PDPK1: variants seen among roughly 807,000 people sequenced by gnomAD.
The protein encoded by PDPK1 is 3-phosphoinositide-dependent protein kinase 1.
Under a neutral mutation model 39.8 loss-of-function variants are expected in PDPK1, and 7 were observed. That is an observed-to-expected ratio of 0.18 (90% confidence interval 0.10 to 0.33). PDPK1 has a LOEUF of 0.33. Ranked by LOEUF, PDPK1 falls within the 10% of genes least tolerant of loss-of-function variation. The pLI is 1.00. For missense variants in PDPK1, 182 were observed against 384.7 expected, an observed-to-expected ratio of 0.47 and a Z score of 4.41; for synonymous variants, 118 against 159.1, an observed-to-expected ratio of 0.74 and a Z score of 1.95.
intron 11 of PDPK1, among the ~76,000 whole-genome samples, chr16:2,588,761 T>C (rs1374840356): frequency 1.3e-5 from 2 of 152,102 alleles, no homozygotes; most frequent in African/African-American, 4.8e-5. Context: ...CTCTTTACAG[T>C]AGTGGTTTGC....
intron 1 of PDPK1, chr16:2,538,851 C>A (rs1424258995): frequency 2.0e-6 from 2 of 1,002,974 alleles, no homozygotes; most frequent in Non-Finnish European, 1.3e-6. Flanking sequence ...GCTGGTGTTT[C>A]TATATTTTCT....
chr16:2,598,001 GCTCCGTGGAGGC>G lies in PDPK1; in HGVS notation c.*242_*253del. 3.6e-6 allele frequency: 2 copies of G among 551,580 alleles called. No homozygotes were observed. Among genetic ancestry groups the G allele is most frequent in the Non-Finnish European group, 6.5e-6 (2 of 308,770 alleles). 34.2% of individuals were successfully genotyped at this position (551,580 alleles called of 1,614,324 possible). On this transcript the variant is annotated 3_prime_UTR_variant, in exon 14 of 14. Transcript: ENST00000342085. The stretch of plus-strand genomic sequence containing the variant: ...CAGGGTCGCTTTGCTTGCTCTCTGT[GCTCCGTGGAGGC>G]CTCCGTGTGCCCTCGTTGCCGTGGG...
In PDPK1 at chr16:2,597,496, A is replaced by C. The variant is rs2067127681; in HGVS notation, c.1555-155A>C. Among the ~76,000 whole-genome samples, 1 of 152,204 alleles carries C rather than the reference A, an allele frequency of 6.6e-6. No individual in the cohort carries two copies. The highest frequency in any genetic ancestry group is 6.5e-5 in the Admixed American group (1 of 15,286). On this transcript the variant is annotated intron_variant, in intron 13 of 13. Coordinates refer to ENST00000342085, the MANE Select transcript of PDPK1 (RefSeq NM_002613.5). This position sits in a 1 kb window ranked among gnomAD's most constrained non-coding sequence, Gnocchi z 6.3. ...TTGGTGGTGACTGGGGGTGGTGGTC[A>C]TCAGCCTGTGTAGTTGCTTACTGCT...
At chr16:2,540,357 G>A (rs1597012270) in intron 1 of PDPK1, among the ~76,000 whole-genome samples, 1 of 152,332 alleles carries the variant, frequency 6.6e-6, no homozygotes, top group Non-Finnish European at 1.5e-5. Context: ...CAAGACAGGC[G>A]CTTCCCTAGG....
chr16:2,595,982 C>T (rs1009983614), intron 12 of PDPK1, 132 bp downstream of exon 12: 9 of 770,194 alleles, frequency 1.2e-5, no homozygotes, highest in African/African-American at 1.0e-4. Flanking sequence ...CTCTAGATTT[C>T]ATAGCTCGGG....
chr16:2,600,033 C>T lies in PDPK1; in HGVS notation c.*2266C>T. ...CTGACAGCCAAGCCCTTCTGTGGGTCACCTTTCTCCTCACCCAGCCCCTTG... is the reference window on the plus strand; with the variant it reads ...CTGACAGCCAAGCCCTTCTGTGGGTTACCTTTCTCCTCACCCAGCCCCTTG... On this transcript the variant is annotated 3_prime_UTR_variant, in exon 14 of 14. Coordinates refer to ENST00000342085, the MANE Select transcript of PDPK1 (RefSeq NM_002613.5). 1 of 233,246 alleles carries T rather than the reference C, an allele frequency of 4.3e-6. No individual in the cohort carries two copies. The highest frequency in any genetic ancestry group is 8.5e-6 in the Non-Finnish European group (1 of 118,210). The allele number at this position is 233,246 out of a possible 1,614,324, so 14.4% of individuals were successfully genotyped here.
intron 1 of PDPK1, among the ~76,000 whole-genome samples, chr16:2,552,319 C>T (rs1212477888): frequency 6.6e-6 from 1 of 150,542 alleles, no homozygotes; most frequent in African/African-American, 2.5e-5. Context: ...CATACCCAGA[C>T]AAGTTAAAGA....
chr16:2,590,595 C>T lies in PDPK1; in HGVS notation c.1343+3702C>T, dbSNP rs535764318. ...CGGAGCGTCTGGCTGACGGGCAAAC[C>T]GCCGTTATGCAGACTTAGCTATTTG... On this transcript the variant is annotated intron_variant, in intron 11 of 13. Transcript: ENST00000342085. Among the ~76,000 whole-genome samples the T allele has an allele frequency of 4.6e-5, 7 of 152,090 alleles. No homozygotes were observed. The East Asian group carries it at 5.8e-4, about 13-fold the overall frequency.
chr16:2,578,154 G>A (rs1295984555), intron 7 of PDPK1, among the ~76,000 whole-genome samples: 2 of 148,226 alleles, frequency 1.3e-5, no homozygotes, highest in Non-Finnish European at 3.0e-5. Context: ...CCCGGCCTTC[G>A]GGTTGCTCGG....
chr16:2,541,602 A>G (rs1276507804), intron 1 of PDPK1, among the ~76,000 whole-genome samples: 1 of 152,154 alleles, frequency 6.6e-6, no homozygotes, highest in Non-Finnish European at 1.5e-5. Context: ...AGGGTGCTCT[A>G]TGCTGCTCCA....
intron 6 of PDPK1, chr16:2,577,060 T>A: frequency 2.5e-6 from 1 of 400,316 alleles, no homozygotes; most frequent in Non-Finnish European, 4.5e-6. Context: ...GAAAGGAGGT[T>A]TTTCTGGCCT....
chr16:2,596,464 G>C (rs544572679), intron 12 of PDPK1, among the ~76,000 whole-genome samples: 2 of 152,204 alleles, frequency 1.3e-5, no homozygotes, highest in Admixed American at 1.3e-4. Flanking sequence ...AAAGTGCTGG[G>C]ATTACAGGCG....
At chr16:2,595,663 T>A (rs1255817141) in intron 11 of PDPK1, 130 bp from the exon 12 acceptor site, 1 of 732,788 alleles carries the variant, frequency 1.4e-6, no homozygotes, top group Non-Finnish European at 2.5e-6. Context: ...CGTTCTCTGC[T>A]CATCCCAAAG....
chr16:2,545,746 G>T (rs2066331436), intron 1 of PDPK1, among the ~76,000 whole-genome samples: 1 of 152,084 alleles, frequency 6.6e-6, no homozygotes, highest in African/African-American at 2.4e-5. Context: ...ACCCGCCTTG[G>T]CCTCCCAAAG....
In PDPK1 at chr16:2,600,079, C is replaced by G; in HGVS notation, c.*2312C>G. 4.3e-6 allele frequency: 1 copy of G among 233,356 alleles called. No individual in the cohort carries two copies. The highest frequency in any genetic ancestry group is 6.0e-5 in the East Asian group (1 of 16,592). 14.5% of individuals were successfully genotyped at this position (233,356 alleles called of 1,614,324 possible). A position where few individuals can be genotyped will look rare whatever the true frequency, so the allele number is the denominator to read the frequency against. ...CCTTGCTCTTCCCTTTTGAAAGGCC[C>G]GTGTGTTTTCTTTCCTTACCCTGTG... On this transcript the variant is annotated 3_prime_UTR_variant, in exon 14 of 14. Coordinates refer to ENST00000342085, the MANE Select transcript of PDPK1 (RefSeq NM_002613.5).
chr16:2,558,010 G>T, intron 2 of PDPK1, 47 bp downstream of exon 2: 1 of 1,601,570 alleles, frequency 6.2e-7, no homozygotes, highest in Non-Finnish European at 8.5e-7. Context: ...GATTTCCTTG[G>T]GGAGGCTCAC....
chr16:2,585,404 A>C (rs2066847229), intron 10 of PDPK1, among the ~76,000 whole-genome samples: 2 of 152,196 alleles, frequency 1.3e-5, no homozygotes, highest in Admixed American at 1.3e-4. Context: ...CAAGCATGGA[A>C]GGAGACTTCA....
chr16:2,538,598 C>T (rs2066182646), intron 1 of PDPK1: 2 of 1,288,408 alleles, frequency 1.6e-6, no homozygotes, highest in Non-Finnish European at 2.0e-6. Context: ...GCACCTGATG[C>T]TCCTGGGCCC....
intron 11 of PDPK1, among the ~76,000 whole-genome samples, chr16:2,587,868 C>T (rs2066908957): frequency 6.6e-6 from 1 of 152,242 alleles, no homozygotes. Flanking sequence ...CAAGTCCATC[C>T]TGTCCCTATT....
Sources: allele counts gnomAD v4.1 joint callset (sites outside exome capture counted in the v4.1 genomes callset), GRCh38; gene constraint gnomAD v4.1.1; non-coding constraint Gnocchi (gnomAD v3.1); transcripts MANE v1.5; gene names NCBI Gene and HGNC (gene_info 2026-07-23, HGNC 2026-07-21).